Variants in OPCML observed in about 807,000 individuals in gnomAD.
OPCML encodes opioid-binding protein/cell adhesion molecule.
OPCML carries 13 observed loss-of-function variants against 37.8 expected under a neutral mutation model. The observed-to-expected ratio is 0.34, with a 90% CI of 0.22 to 0.55. The LOEUF (loss-of-function observed/expected upper bound fraction) is 0.55, where lower values mean the gene tolerates loss of function less well. Among genes scored for constraint, OPCML ranks in the 20% least tolerant of loss-of-function variants. The probability of loss-of-function intolerance (pLI) is 0.91; values close to 1 mark genes in which losing one functional copy is unlikely to be tolerated. For missense variants in OPCML, 341 were observed against 435.6 expected, an observed-to-expected ratio of 0.78 and a Z score of 1.93; for synonymous variants, 176 against 168.8, an observed-to-expected ratio of 1.04 and a Z score of -0.33.
intron 3 of OPCML, among the ~76,000 whole-genome samples, chr11:132,583,524 C>T (rs182382217): frequency 8.0e-4 from 121 of 152,192 alleles, no homozygotes; most frequent in African/African-American, 2.8e-3. Context: ...TGGTATTAAA[C>T]TCTTGACTCA....
chr11:132,722,560 T>C (rs1565807737), intron 2 of OPCML, among the ~76,000 whole-genome samples: 2 of 152,142 alleles, frequency 1.3e-5, no homozygotes. Flanking sequence ...TGTTCTCACA[T>C]GTTAAGTCCA....
intron 1 of OPCML, among the ~76,000 whole-genome samples, chr11:133,337,413 G>A (rs1943766308): frequency 6.6e-6 from 1 of 152,170 alleles, no homozygotes; most frequent in Non-Finnish European, 1.5e-5. Flanking sequence ...GTTGCCTGGG[G>A]AACCACGGAC....
chr11:132,990,232 C>G (rs1946751432), intron 1 of OPCML, among the ~76,000 whole-genome samples: 1 of 152,162 alleles, frequency 6.6e-6, no homozygotes, highest in Admixed American at 6.6e-5. Context: ...ACAGGGCGTG[C>G]ACCGAGTCCT....
chr11:132,567,299 AT>A (rs2096425909), intron 3 of OPCML, among the ~76,000 whole-genome samples: 1 of 152,200 alleles, frequency 6.6e-6, no homozygotes, highest in Non-Finnish European at 1.5e-5. Context: ...CTGATTTCAA[AT>A]TTTTAGAAAT....
intron 3 of OPCML, among the ~76,000 whole-genome samples, chr11:132,592,310 G>A (rs1448323415): frequency 6.6e-6 from 1 of 152,196 alleles, no homozygotes; most frequent in Non-Finnish European, 1.5e-5. Flanking sequence ...GTACCTTGGA[G>A]CCTGAGGGAG....
intron 1 of OPCML, among the ~76,000 whole-genome samples, chr11:133,489,896 A>G (rs1164809434): frequency 3.3e-5 from 5 of 151,914 alleles, no homozygotes; most frequent in Non-Finnish European, 7.4e-5. Context: ...ACACACATAC[A>G]TATTTATACA....
At position 132,684,367 on chromosome 11, in the gene OPCML, T is replaced by C. The variant is rs149120477; in HGVS notation, c.147-27048A>G. On this transcript the variant is annotated intron_variant, in intron 2 of 7. Coordinates refer to ENST00000524381, the MANE Select transcript of OPCML (RefSeq NM_001012393.5). ...GAAAGGTCGTGTGTCCCAGCAAATATAGTAAGTGGGAGAGCTAGTTTTGCT... is the reference window on the plus strand; with the variant it reads ...GAAAGGTCGTGTGTCCCAGCAAATACAGTAAGTGGGAGAGCTAGTTTTGCT... Among the ~76,000 whole-genome samples, 845 of 152,238 alleles carry C rather than the reference T, an allele frequency of 5.6e-3. 5 individuals are homozygous for C. The highest frequency in any genetic ancestry group is 0.019 in the African/African-American group (800 of 41,532).
rs568819698 is a variant in OPCML, at chr11:132,446,290, G to A, written c.506-8931C>T. ...TTCCCTTTAAATGAAAGTGCAGTAT[G>A]TGTGCCAGAAAAGGAAGAGAGGAGC... On this transcript the variant is annotated intron_variant, in intron 4 of 7. Coordinates refer to ENST00000524381, the MANE Select transcript of OPCML (RefSeq NM_001012393.5). 6.0e-5 allele frequency among the ~76,000 whole-genome samples: 9 copies of A among 149,096 alleles called. No homozygotes were observed. In the South Asian group the frequency reaches 2.0e-3, roughly 33 times the overall value.
At chr11:133,347,096 C>T (rs896044466) in intron 1 of OPCML, among the ~76,000 whole-genome samples, 2 of 152,186 alleles carry the variant, frequency 1.3e-5, no homozygotes, top group Non-Finnish European at 2.9e-5. Context: ...TTTTTATTTA[C>T]TTTTTTGTTG....
chr11:133,228,351 G>T (rs954228209), intron 1 of OPCML, among the ~76,000 whole-genome samples: 6 of 152,198 alleles, frequency 3.9e-5, no homozygotes, highest in Non-Finnish European at 7.3e-5. Flanking sequence ...GTTCATAAAG[G>T]TTAAATGTGG....
chr11:132,978,919 A>ACCCTCTCCACTTG (rs1946524203), intron 1 of OPCML, among the ~76,000 whole-genome samples: 1 of 152,152 alleles, frequency 6.6e-6, no homozygotes, highest in African/African-American at 2.4e-5. Context: ...TAGGCATCTA[A>ACCCTCTCCACTTG]AATTGAACAT....
At position 132,525,072 on chromosome 11, in the gene OPCML, A is replaced by T. The variant is rs561327476; in HGVS notation, c.505+3989T>A. ...GCACTACCTGAAACCTTCACTCTTC[A>T]ACCATTATCATCTCAGGTAGAGATC... On this transcript the variant is annotated intron_variant, in intron 4 of 7. Coordinates refer to ENST00000524381, the MANE Select transcript of OPCML (RefSeq NM_001012393.5). Among the ~76,000 whole-genome samples the T allele has an allele frequency of 9.9e-4, 151 of 152,220 alleles. 3 individuals are homozygous for T. In the South Asian group the frequency reaches 0.03, roughly 31 times the overall value.
chr11:133,315,780 A>T (rs1943191986), intron 1 of OPCML, among the ~76,000 whole-genome samples: 1 of 152,186 alleles, frequency 6.6e-6, no homozygotes, highest in South Asian at 2.1e-4. Flanking sequence ...CCTGGGAGAC[A>T]AGAGCAAAAC....
intron 1 of OPCML, among the ~76,000 whole-genome samples, chr11:133,466,667 A>G (rs11223479): frequency 0.13 from 20,405 of 152,256 alleles, 3,260 homozygotes; most frequent in African/African-American, 0.38. Context: ...TCAGTTTAGA[A>G]AATGTACAAA....
At chr11:133,256,759 A>G (rs1285825706) in intron 1 of OPCML, among the ~76,000 whole-genome samples, 1 of 152,242 alleles carries the variant, frequency 6.6e-6, no homozygotes, top group Non-Finnish European at 1.5e-5. Context: ...ATAAAACATA[A>G]TGATATAGAT....
chr11:132,959,373 T>C (rs1392996160), intron 1 of OPCML, among the ~76,000 whole-genome samples: 1 of 152,258 alleles, frequency 6.6e-6, no homozygotes, highest in Non-Finnish European at 1.5e-5. Context: ...TCGGTGAAGA[T>C]GCTGTGAACA....
chr11:133,491,210 G>T (rs1947648028), intron 1 of OPCML, among the ~76,000 whole-genome samples: 1 of 152,164 alleles, frequency 6.6e-6, no homozygotes. Context: ...ATCAATGGGT[G>T]TGCAGAAGTC....
chr11:132,616,326 G>A (rs756618038), intron 3 of OPCML, among the ~76,000 whole-genome samples: 7 of 152,156 alleles, frequency 4.6e-5, no homozygotes, highest in Non-Finnish European at 1.0e-4. Flanking sequence ...TGTATAGCTG[G>A]CACTATTAAA....
rs141880367 is a variant in OPCML at position 132,893,491 on chromosome 11, T to C, written c.146+49435A>G. ...GCTCTGTGTGTAGTCTCCTTGTAGT[T>C]AGTTCCTCCATCTAGTCTAGAGGTG... On this transcript the variant is annotated intron_variant, in intron 2 of 7. Transcript: ENST00000524381. Among the ~76,000 whole-genome samples the C allele has an allele frequency of 5.1e-3, 782 of 152,212 alleles. 10 individuals are homozygous for C. The highest frequency in any genetic ancestry group is 0.018 in the African/African-American group (743 of 41,522).
Sources: gnomAD v4.1 joint callset for allele counts (sites outside exome capture counted in the v4.1 genomes callset) on GRCh38, gnomAD v4.1.1 for gene constraint, MANE v1.5 for transcripts, NCBI Gene and HGNC (gene_info 2026-07-23, HGNC 2026-07-21) for gene names.